Variants in PMPCB observed in about 807,000 individuals in gnomAD.
PMPCB encodes the protein mitochondrial-processing peptidase subunit beta.
In PMPCB, 46 loss-of-function variants were observed where a neutral mutation model predicts 61.5. The ratio of observed to expected loss-of-function variants is 0.75; its 90% CI spans 0.59 to 0.96. PMPCB has a LOEUF of 0.96. PMPCB is among the 40% of genes least tolerant of loss of function. The probability of loss-of-function intolerance (pLI) is 0.00; values close to 1 mark genes in which losing one functional copy is unlikely to be tolerated. For missense variants in PMPCB, 590 were observed against 602.4 expected (o/e 0.98, Z 0.22); for synonymous variants, 191 against 201.6 (o/e 0.95, Z 0.44).
chr7:103,331,704 T>G (rs1293268143), downstream of PMPCB, among the ~76,000 whole-genome samples: 1 of 152,238 alleles, frequency 6.6e-6, no homozygotes, highest in African/African-American at 2.4e-5. Context: ...TTTTTATGGC[T>G]GAGTGGTATC....
rs1817927464 is a variant in PMPCB, at chr7:103,314,391, TAA to T, written c.*2123_*2124del. 9.1e-6 allele frequency: 9 copies of T among 985,278 alleles called. No homozygotes were observed. In the South Asian group the frequency reaches 1.9e-4, roughly 21 times the overall value. 61.0% of individuals were successfully genotyped at this position (985,278 alleles called of 1,614,324 possible). The stretch of plus-strand genomic sequence containing the variant: ...AGAGGAAGGAGCCTTCCCATTTCCA[TAA>T]AAGAGGCAAAGGAGTCATACCCACA... On this transcript the variant is annotated 3_prime_UTR_variant, in exon 13 of 13. Coordinates refer to ENST00000249269, the MANE Select transcript of PMPCB (RefSeq NM_004279.3).
intron 1 of PMPCB, among the ~76,000 whole-genome samples, chr7:103,298,162 T>C (rs1435599394): frequency 2.0e-5 from 3 of 152,112 alleles, no homozygotes; most frequent in Non-Finnish European, 4.4e-5. Flanking sequence ...ACCCTGTTGC[T>C]TTTCTTGAAC....
At chr7:103,330,159 T>C (rs958492972), downstream of PMPCB, among the ~76,000 whole-genome samples, 6 of 152,264 alleles carry the variant, frequency 3.9e-5, no homozygotes, top group African/African-American at 1.2e-4. Context: ...GGAAATCACA[T>C]GGATTTAATA....
chr7:103,344,206 G>T, the PMPCB span: 1 of 305,104 alleles, frequency 3.3e-6, no homozygotes, highest in East Asian at 6.2e-5. Flanking sequence ...CCAGGCACGT[G>T]GGGTGCTCGC....
At position 103,313,379 on chromosome 7, in the gene PMPCB, C is replaced by T; in HGVS notation, c.*1108C>T. 1 of 1,112,950 alleles carries T rather than the reference C, an allele frequency of 9.0e-7. No homozygotes were observed. Among genetic ancestry groups the T allele is most frequent in the Middle Eastern group, 3.9e-4 (1 of 2,580 alleles). 68.9% of individuals were successfully genotyped at this position (1,112,950 alleles called of 1,614,324 possible). On this transcript the variant is annotated 3_prime_UTR_variant, in exon 13 of 13. Coordinates refer to ENST00000249269, the MANE Select transcript of PMPCB (RefSeq NM_004279.3). ...TTATCTCTTAAAAATCAATGTAATA[C>T]ACTCACCAGACTGGTAAAAAGCCAT...
chr7:103,338,833 C>G, the PMPCB span, among the ~76,000 whole-genome samples: 1 of 152,044 alleles, frequency 6.6e-6, no homozygotes, highest in Non-Finnish European at 1.5e-5. Flanking sequence ...TTGCTTGAAC[C>G]TGGGAGGCGG....
rs1033204044 is a variant in PMPCB, at chr7:103,312,484, T to G, written c.*213T>G. On this transcript the variant is annotated 3_prime_UTR_variant, in exon 13 of 13. Transcript: ENST00000249269. ...ATGTTGGAAGCAGCATACTTTCAAATTATTACCATGAGTATAATTTTAAGA... is the reference window on the plus strand; with the variant it reads ...ATGTTGGAAGCAGCATACTTTCAAAGTATTACCATGAGTATAATTTTAAGA... 8 of 1,562,478 alleles carry G rather than the reference T, an allele frequency of 5.1e-6. No homozygotes were observed. The highest frequency in any genetic ancestry group is 6.9e-6 in the Non-Finnish European group (8 of 1,160,054).
intron 6 of PMPCB, 53 bp downstream of exon 6, chr7:103,304,543 A>T: frequency 8.6e-7 from 1 of 1,167,940 alleles, no homozygotes; most frequent in Non-Finnish European, 1.3e-6. Context: ...TTGGAGTGGT[A>T]TGCTTATTAG....
chr7:103,342,007 G>T, the PMPCB span: 1 of 1,327,192 alleles, frequency 7.5e-7, no homozygotes, highest in Non-Finnish European at 1.0e-6. Flanking sequence ...GAATAAATAT[G>T]TTTCAAGGCA....
chr7:103,307,231 T>C (rs529236249), intron 6 of PMPCB, among the ~76,000 whole-genome samples: 30 of 152,314 alleles, frequency 2.0e-4, no homozygotes, highest in African/African-American at 5.5e-4. Context: ...ATATTTGTAT[T>C]TTCCACTAAA....
chr7:103,297,858 T>C (rs1407091214), intron 1 of PMPCB: 1 of 1,471,810 alleles, frequency 6.8e-7, no homozygotes, highest in Non-Finnish European at 9.0e-7. Context: ...TGGGGAAAAC[T>C]AAAAAGTGAA....
the PMPCB span, among the ~76,000 whole-genome samples, chr7:103,346,999 T>C: frequency 6.6e-6 from 1 of 152,250 alleles, no homozygotes; most frequent in Non-Finnish European, 1.5e-5. Flanking sequence ...TTTCAGTTCT[T>C]TTGGATACAC....
downstream of PMPCB, among the ~76,000 whole-genome samples, chr7:103,333,515 G>A (rs73412175): frequency 2.0e-4 from 30 of 152,074 alleles, no homozygotes; most frequent in Non-Finnish European, 3.8e-4. Flanking sequence ...GAGATAAAAC[G>A]TAGATAAAAT....
At chr7:103,344,442 A>G in the PMPCB span, 1 of 1,172,028 alleles carries the variant, frequency 8.5e-7, no homozygotes, top group Non-Finnish European at 1.3e-6. Context: ...ACGGCCCCAT[A>G]CGGCCCCGGG....
chr7:103,302,097 A>G (rs565062321), intron 4 of PMPCB, among the ~76,000 whole-genome samples: 17 of 152,306 alleles, frequency 1.1e-4, no homozygotes, highest in African/African-American at 3.9e-4. Flanking sequence ...GATGGTTTCC[A>G]GCTTCATCCA....
downstream of PMPCB, among the ~76,000 whole-genome samples, chr7:103,318,960 A>G (rs530350718): frequency 3.9e-5 from 6 of 152,252 alleles, no homozygotes; most frequent in African/African-American, 1.2e-4. Context: ...GCTCATGCCT[A>G]TAATCCTTTG....
intron 6 of PMPCB, 53 bp from the exon 7 acceptor site, chr7:103,307,543 T>C: frequency 3.9e-6 from 4 of 1,035,758 alleles, no homozygotes; most frequent in Non-Finnish European, 6.1e-6. Flanking sequence ...CTAGGGTTTA[T>C]TGTAAACTAT....
chr7:103,346,801 C>T, the PMPCB span, among the ~76,000 whole-genome samples: 1 of 148,764 alleles, frequency 6.7e-6, no homozygotes, highest in Non-Finnish European at 1.5e-5. Context: ...AATTTCATTC[C>T]TTTTTAAGGC....
chr7:103,315,906 C>G, downstream of PMPCB: 1 of 1,549,648 alleles, frequency 6.5e-7, no homozygotes. Flanking sequence ...CTTAACAGAT[C>G]ATCATTTAAT....
Sources: allele counts gnomAD v4.1 joint callset (sites outside exome capture counted in the v4.1 genomes callset), GRCh38; gene constraint gnomAD v4.1.1; transcripts MANE v1.5; gene names NCBI Gene and HGNC (gene_info 2026-07-23, HGNC 2026-07-21).